Variants in SPOCK3 observed in about 807,000 individuals in gnomAD.
The protein encoded by SPOCK3 is testican-3.
Under a neutral mutation model 56.6 loss-of-function variants are expected in SPOCK3, and 30 were observed. That is an observed-to-expected ratio of 0.53 (90% CI 0.40 to 0.72). The LOEUF (loss-of-function observed/expected upper bound fraction) is 0.72. Ranked by LOEUF, SPOCK3 falls within the 30% of genes least tolerant of loss-of-function variation. The pLI, the probability that SPOCK3 is intolerant of heterozygous loss-of-function variation, is 0.00. For synonymous variants in SPOCK3, 196 were observed against 183.3 expected (o/e 1.07, Z -0.56); for missense variants, 527 against 530.0 (o/e 0.99, Z 0.06).
intron 2 of SPOCK3, among the ~76,000 whole-genome samples, chr4:167,104,208 G>C (rs1330041527): frequency 2.6e-5 from 4 of 152,032 alleles, no homozygotes; most frequent in African/African-American, 4.8e-5. Context: ...AGACCATCCA[G>C]GAAAATATGA....
intron 2 of SPOCK3, among the ~76,000 whole-genome samples, chr4:167,108,060 A>G (rs1348425675): frequency 6.6e-6 from 1 of 151,934 alleles, no homozygotes; most frequent in African/African-American, 2.4e-5. Flanking sequence ...AATATGCTCA[A>G]TATCATTCAT....
chr4:166,962,362 A>G (rs1744233838), intron 4 of SPOCK3, among the ~76,000 whole-genome samples: 1 of 152,056 alleles, frequency 6.6e-6, no homozygotes, highest in African/African-American at 2.4e-5. Flanking sequence ...TTATTATGTC[A>G]CCCTGGGGGT....
chr4:166,741,388 T>C (rs1452005761), intron 9 of SPOCK3, among the ~76,000 whole-genome samples: 1 of 152,218 alleles, frequency 6.6e-6, no homozygotes, highest in Non-Finnish European at 1.5e-5. Flanking sequence ...AATTTAAAAC[T>C]ATTCCAAAAA....
At position 166,770,732 on chromosome 4, in the gene SPOCK3, G is replaced by T. The variant is rs1442366685; in HGVS notation, c.710-16003C>A. Among the ~76,000 whole-genome samples, 8 of 152,080 alleles carry T rather than the reference G, an allele frequency of 5.3e-5. No homozygotes were observed. In the South Asian group the frequency reaches 1.4e-3, roughly 28 times the overall value. On this transcript the variant is annotated intron_variant, in intron 7 of 10. Transcript: ENST00000357545. Reference sequence around the variant, plus strand: ...TTAGATAAAAAGGTAGAGATTGTCAGACCAGACAAAAATGTCAAACTCAAT... The same window carrying T: ...TTAGATAAAAAGGTAGAGATTGTCATACCAGACAAAAATGTCAAACTCAAT...
At chr4:166,824,505 G>C (rs1477810047) in intron 6 of SPOCK3, among the ~76,000 whole-genome samples, 2 of 152,056 alleles carry the variant, frequency 1.3e-5, no homozygotes, top group African/African-American at 4.8e-5. Flanking sequence ...ATGTGATCCA[G>C]TTCTGGCCAA....
chr4:167,222,558 T>C (rs971302064), intron 2 of SPOCK3, among the ~76,000 whole-genome samples: 1 of 141,626 alleles, frequency 7.1e-6, no homozygotes, highest in African/African-American at 2.6e-5. Flanking sequence ...ATATATAATA[T>C]ATATACATGT....
At chr4:167,164,760 G>T (rs939864257) in intron 2 of SPOCK3, among the ~76,000 whole-genome samples, 2 of 152,022 alleles carry the variant, frequency 1.3e-5, no homozygotes, top group African/African-American at 2.4e-5. Flanking sequence ...TTCTTTCAAG[G>T]TCATTATCTT....
intron 5 of SPOCK3, among the ~76,000 whole-genome samples, chr4:166,898,125 G>A (rs1028568594): frequency 2.6e-5 from 4 of 152,094 alleles, no homozygotes; most frequent in Admixed American, 6.6e-5. Context: ...ACTGAGCCCC[G>A]GAATTCCAGG....
At chr4:166,920,006 C>T (rs1437455900) in intron 4 of SPOCK3, among the ~76,000 whole-genome samples, 1 of 152,054 alleles carries the variant, frequency 6.6e-6, no homozygotes, top group Non-Finnish European at 1.5e-5. Context: ...ATCATTTTAA[C>T]AATCTTATAC....
chr4:166,845,170 T>C (rs1459060566), intron 6 of SPOCK3, among the ~76,000 whole-genome samples: 1 of 152,232 alleles, frequency 6.6e-6, no homozygotes, highest in Non-Finnish European at 1.5e-5. Flanking sequence ...ATCTTTGTGA[T>C]ATCACAGATA....
chr4:166,911,416 G>A (rs1737251191), intron 5 of SPOCK3, among the ~76,000 whole-genome samples: 2 of 151,792 alleles, frequency 1.3e-5, no homozygotes, highest in Non-Finnish European at 1.5e-5. Context: ...GAAAATTCTG[G>A]AAATAACTGC....
At chr4:167,093,564 T>G (rs1758896150) in intron 2 of SPOCK3, among the ~76,000 whole-genome samples, 1 of 152,182 alleles carries the variant, frequency 6.6e-6, no homozygotes, top group Non-Finnish European at 1.5e-5. Flanking sequence ...GTTCCTGTGT[T>G]AGTTTGCTGA....
intron 3 of SPOCK3, among the ~76,000 whole-genome samples, chr4:167,019,171 A>C (rs922622423): frequency 2.6e-5 from 4 of 152,036 alleles, no homozygotes; most frequent in Non-Finnish European, 5.9e-5. Flanking sequence ...GAGTTTCACA[A>C]TCTCTTTGCA....
At chr4:166,955,472 T>C (rs1474980837) in intron 4 of SPOCK3, among the ~76,000 whole-genome samples, 3 of 146,106 alleles carry the variant, frequency 2.1e-5, no homozygotes, top group African/African-American at 7.5e-5. Flanking sequence ...AATATTATAT[T>C]ATATTTAATT....
chr4:167,226,690 T>C (rs567564205), intron 2 of SPOCK3, among the ~76,000 whole-genome samples: 5 of 152,212 alleles, frequency 3.3e-5, no homozygotes, highest in South Asian at 4.2e-4. Flanking sequence ...GTAGAAGTAA[T>C]GTGTGATGAC....
intron 2 of SPOCK3, among the ~76,000 whole-genome samples, chr4:167,200,144 A>G (rs770308263): frequency 7.2e-5 from 11 of 152,100 alleles, no homozygotes; most frequent in Non-Finnish European, 1.6e-4. Flanking sequence ...GTATTTTTCA[A>G]TAATCACTGC....
chr4:167,206,340 ATAAG>A (rs1223594821), intron 2 of SPOCK3, among the ~76,000 whole-genome samples: 1 of 152,112 alleles, frequency 6.6e-6, no homozygotes, highest in African/African-American at 2.4e-5. Context: ...ATAAAAAAAA[ATAAG>A]TATGTTTATG....
intron 4 of SPOCK3, among the ~76,000 whole-genome samples, chr4:166,929,215 G>T (rs1739461810): frequency 6.6e-6 from 1 of 152,098 alleles, no homozygotes; most frequent in African/African-American, 2.4e-5. Flanking sequence ...TTAGCTTTAG[G>T]TTTAAAACAC....
At chr4:167,090,564 C>T (rs1194665904) in intron 2 of SPOCK3, among the ~76,000 whole-genome samples, 2 of 151,510 alleles carry the variant, frequency 1.3e-5, no homozygotes, top group South Asian at 2.1e-4. Context: ...ATTGCAATGG[C>T]GAGATCTCGG....
Sources: gnomAD v4.1 joint callset for allele counts (sites outside exome capture counted in the v4.1 genomes callset) on GRCh38, gnomAD v4.1.1 for gene constraint, MANE v1.5 for transcripts, NCBI Gene and HGNC (gene_info 2026-07-23, HGNC 2026-07-21) for gene names.